SLC37A3: variants seen among roughly 807,000 people sequenced by gnomAD.
SLC37A3 encodes sugar phosphate exchanger 3.
SLC37A3 carries 51 observed loss-of-function variants against 67.1 expected under a neutral mutation model. The ratio of observed to expected loss-of-function variants is 0.76; its 90% CI spans 0.61 to 0.96. The LOEUF is 0.96. Ranked by LOEUF, SLC37A3 falls within the 40% of genes least tolerant of loss-of-function variation. The pLI, the probability that SLC37A3 is intolerant of heterozygous loss-of-function variation, is 0.00. For missense variants in SLC37A3, 508 were observed against 603.0 expected (o/e 0.84, Z 1.65); for synonymous variants, 214 against 231.4 (o/e 0.92, Z 0.68).
intron 1 of SLC37A3, among the ~76,000 whole-genome samples, chr7:140,396,329 T>C (rs1335679190): frequency 6.6e-6 from 1 of 152,170 alleles, no homozygotes; most frequent in Non-Finnish European, 1.5e-5. Flanking sequence ...CAGCCACAAG[T>C]ATCTTTTTTA....
At chr7:140,371,352 T>G (rs7788727) in intron 3 of SLC37A3, among the ~76,000 whole-genome samples, 23,176 of 152,020 alleles carry the variant, frequency 0.15, 2,300 homozygotes, top group African/African-American at 0.28. Context: ...TTTTGTATTT[T>G]TAGTAGAGAC....
intron 13 of SLC37A3, among the ~76,000 whole-genome samples, chr7:140,339,137 T>C (rs1188879175): frequency 6.6e-6 from 1 of 152,194 alleles, no homozygotes. Context: ...TAGTATTCCC[T>C]GGTATGGATA....
intron 13 of SLC37A3, among the ~76,000 whole-genome samples, chr7:140,340,226 A>G (rs1796305662): frequency 6.6e-6 from 1 of 151,368 alleles, no homozygotes; most frequent in Admixed American, 6.6e-5. Context: ...AAGTTCTTCA[A>G]GTTAGGCCTT....
intron 10 of SLC37A3, 29 bp downstream of exon 10, chr7:140,348,597 A>G: frequency 6.3e-7 from 1 of 1,583,234 alleles, no homozygotes; most frequent in South Asian, 1.2e-5. Context: ...CTAACTCTTT[A>G]TTATGGAAAA....
intron 3 of SLC37A3, among the ~76,000 whole-genome samples, chr7:140,376,321 C>G (rs746846703): frequency 6.6e-6 from 1 of 152,184 alleles, no homozygotes; most frequent in Non-Finnish European, 1.5e-5. Flanking sequence ...ATCAGTATGA[C>G]TATACTACTC....
At chr7:140,355,073 T>C (rs1796967469) in intron 7 of SLC37A3, among the ~76,000 whole-genome samples, 1 of 152,060 alleles carries the variant, frequency 6.6e-6, no homozygotes, top group Admixed American at 6.6e-5. Context: ...GTAACATGAG[T>C]TGCAAATACT....
At chr7:140,351,241 C>A in intron 9 of SLC37A3, 32 bp downstream of exon 9, 1 of 1,596,152 alleles carries the variant, frequency 6.3e-7, no homozygotes, top group Non-Finnish European at 8.5e-7. Flanking sequence ...CTCATACCTC[C>A]CTGGCTGTGG....
intron 5 of SLC37A3, among the ~76,000 whole-genome samples, chr7:140,363,128 G>C (rs1797433312): frequency 1.1e-5 from 1 of 87,534 alleles, no homozygotes; most frequent in African/African-American, 4.2e-5. Context: ...GGGCGCTTCT[G>C]CCCGGCCGCC....
chr7:140,365,947 TTTTTTTTTG>T (rs1797583547), intron 4 of SLC37A3, among the ~76,000 whole-genome samples: 4 of 75,202 alleles, frequency 5.3e-5, no homozygotes, highest in African/African-American at 1.4e-4. Flanking sequence ...TTTTTTTTTT[TTTTTTTTTG>T]AGACAGAGTC....
At chr7:140,350,335 G>A (rs777795812) in intron 9 of SLC37A3, among the ~76,000 whole-genome samples, 24 of 152,134 alleles carry the variant, frequency 1.6e-4, no homozygotes, top group Admixed American at 1.1e-3. Context: ...TAGAGTGCCC[G>A]AAACATCAAG....
At chr7:140,343,148 T>C (rs1371150824) in intron 13 of SLC37A3, among the ~76,000 whole-genome samples, 2 of 152,180 alleles carry the variant, frequency 1.3e-5, no homozygotes, top group Non-Finnish European at 2.9e-5. Context: ...GGCAGAAGGA[T>C]CTGTCTGTCT....
At chr7:140,360,123 G>A (rs975191897) in intron 5 of SLC37A3, among the ~76,000 whole-genome samples, 2 of 152,150 alleles carry the variant, frequency 1.3e-5, no homozygotes, top group African/African-American at 4.8e-5. Flanking sequence ...AAGGAGGGAG[G>A]ATCACTTAAG....
In SLC37A3 at chr7:140,335,429, G is replaced by A. The variant is rs747259846; in HGVS notation, c.1468C>T (p.His490Tyr). Residue 490 changes from histidine (H) to tyrosine (Y), a missense_variant, in exon 15 of 15, where the codon CAC (histidine) becomes TAC (tyrosine). His to Tyr is a moderately conservative substitution (Grantham distance 83). Coordinates refer to ENST00000326232, the MANE Select transcript of SLC37A3 (RefSeq NM_207113.3). ...GGCACCGGTCACTCCCTCAATATGT[G>A]AGCCTGTCTCCTTAGCACGAGAGAG... The part of the protein sequence containing the change: ...IFSLVLRRQA[H>Y]ILRE The A allele has an allele frequency of 2.2e-5, 35 of 1,614,048 alleles. No individual in the cohort carries two copies. Among genetic ancestry groups the A allele is most frequent in the Non-Finnish European group, 2.8e-5 (33 of 1,180,044 alleles).
At chr7:140,337,654 T>C (rs2117004000) in intron 13 of SLC37A3, 1 of 219,264 alleles carries the variant, frequency 4.6e-6, no homozygotes, top group Non-Finnish European at 8.9e-6. Context: ...TAATCATTCT[T>C]TCTTCCAATG....
At chr7:140,339,558 G>T (rs1796275633) in intron 13 of SLC37A3, among the ~76,000 whole-genome samples, 1 of 152,034 alleles carries the variant, frequency 6.6e-6, no homozygotes, top group South Asian at 2.1e-4. Flanking sequence ...ACCGCGCCCG[G>T]CCCCCAGTTT....
At chr7:140,377,939 TCACGCCAGG>T (rs1267365201) in intron 3 of SLC37A3, among the ~76,000 whole-genome samples, 9 of 152,174 alleles carry the variant, frequency 5.9e-5, no homozygotes, top group Non-Finnish European at 1.2e-4. Flanking sequence ...TGGCCTGGCC[TCACGCCAGG>T]CCGGCCTCTT....
intron 1 of SLC37A3, among the ~76,000 whole-genome samples, chr7:140,388,983 A>G (rs565423222): frequency 1.3e-5 from 2 of 152,234 alleles, no homozygotes; most frequent in East Asian, 3.9e-4. Context: ...CAAAACTATA[A>G]CTGAGGAAAT....
rs751050692 is a variant in SLC37A3, at chr7:140,345,974, C to T, written c.1025-4G>A. The T allele has an allele frequency of 3.1e-6, 5 of 1,608,536 alleles. No individual in the cohort carries two copies. The South Asian group carries it at 3.3e-5, about 11-fold the overall frequency. On this transcript the variant is annotated splice_polypyrimidine_tract_variant and splice_region_variant and intron_variant, in intron 10 of 14. Transcript: ENST00000326232. ...ATGAAGCCTTGCAAAGTTCCACCTT[C>T]AAGCAGAGTGTCGAGCAATCAAAAT...
chr7:140,343,982 T>G (rs1796458269), intron 12 of SLC37A3: 1 of 229,712 alleles, frequency 4.4e-6, no homozygotes. Flanking sequence ...ATGGAGCAGG[T>G]GACTCTATCT....
Sources: gnomAD v4.1 joint callset for allele counts (sites outside exome capture counted in the v4.1 genomes callset) on GRCh38, gnomAD v4.1.1 for gene constraint, MANE v1.5 for transcripts, NCBI Gene and HGNC (gene_info 2026-07-23, HGNC 2026-07-21) for gene names.